The following SYTL2 variants were observed in gnomAD, a reference collection of about 807,000 sequenced individuals.
SYTL2 encodes the protein synaptotagmin-like protein 2.
In SYTL2, 165 loss-of-function variants were observed where a neutral mutation model predicts 198.7. The ratio of observed to expected loss-of-function variants is 0.83; its 90% CI spans 0.73 to 0.94. The LOEUF is 0.94. SYTL2 is among the 40% of genes least tolerant of loss of function. The probability of loss-of-function intolerance (pLI) is 0.00; values close to 1 mark genes in which losing one functional copy is unlikely to be tolerated. For synonymous variants in SYTL2, 966 were observed against 917.7 expected, an observed-to-expected ratio of 1.05 and a Z score of -0.95; for missense variants, 2,835 against 2,582.8, an observed-to-expected ratio of 1.10 and a Z score of -2.12.
At chr11:85,788,310 T>C (rs1378978418) in intron 1 of SYTL2, among the ~76,000 whole-genome samples, 1 of 152,202 alleles carries the variant, frequency 6.6e-6, no homozygotes, top group Admixed American at 6.5e-5. Context: ...GCACGCTTTA[T>C]CTTATTCAGT....
At chr11:85,745,262 T>A (rs2091071560) in intron 4 of SYTL2, among the ~76,000 whole-genome samples, 2 of 152,036 alleles carry the variant, frequency 1.3e-5, no homozygotes, top group South Asian at 4.2e-4. Context: ...ACTAGGCTGT[T>A]ACAATCTGAT....
chr11:85,840,954 T>C, the SYTL2 span, among the ~76,000 whole-genome samples: 1 of 152,162 alleles, frequency 6.6e-6, no homozygotes, highest in Non-Finnish European at 1.5e-5. Context: ...GACAAAGGTT[T>C]AATATCCAGC....
chr11:85,836,453 T>G, the SYTL2 span, among the ~76,000 whole-genome samples: 1 of 152,056 alleles, frequency 6.6e-6, no homozygotes, highest in Non-Finnish European at 1.5e-5. Flanking sequence ...CATACATGTA[T>G]ATACGTATGG....
At chr11:85,777,643 A>G (rs1434507325) in intron 1 of SYTL2, among the ~76,000 whole-genome samples, 1 of 136,310 alleles carries the variant, frequency 7.3e-6, no homozygotes, top group Non-Finnish European at 1.6e-5. Flanking sequence ...CCCCCAACCC[A>G]CACCCCCTGC....
chr11:85,725,003 G>C lies in SYTL2; in HGVS notation c.4355C>G (p.Ala1452Gly), dbSNP rs1266649802. ...CGTCTGGTCTGATGGAGACATTTGG[G>C]CAGCTAAATAAGATCCAACTTCATG... ...KTHEVGSYLA[A>G]QMSPSDQTLS... Residue 1452 changes from alanine (A) to glycine (G), a missense_variant, in exon 8 of 20, where the codon GCC (alanine) becomes GGC (glycine). This residue lies in a region of SYTL2 where 2,645 missense variants were observed against 2,381.7 expected (regional missense o/e 1.11). Transcript: ENST00000359152. The C allele has an allele frequency of 6.2e-7, 1 of 1,613,912 alleles. No homozygotes were observed.
chr11:85,832,192 A>G, the SYTL2 span, among the ~76,000 whole-genome samples: 1 of 152,216 alleles, frequency 6.6e-6, no homozygotes, highest in African/African-American at 2.4e-5. Context: ...TTGGGCATCT[A>G]TCATTGCCAG....
chr11:85,825,212 C>A, the SYTL2 span, among the ~76,000 whole-genome samples: 4 of 152,002 alleles, frequency 2.6e-5, no homozygotes, highest in East Asian at 7.8e-4. Flanking sequence ...AACGGTGAAA[C>A]CCCGTCTCTA....
chr11:85,795,825 A>G (rs2092796047), intron 1 of SYTL2, among the ~76,000 whole-genome samples: 1 of 151,860 alleles, frequency 6.6e-6, no homozygotes, highest in Admixed American at 6.6e-5. Context: ...GCAGGCCACA[A>G]CTCCCCTTCC....
chr11:85,786,888 T>C (rs746426583), intron 1 of SYTL2, among the ~76,000 whole-genome samples: 8 of 152,218 alleles, frequency 5.3e-5, no homozygotes, highest in African/African-American at 1.2e-4. Context: ...TTTATACCTG[T>C]TTGATACCCT....
At chr11:85,752,940 A>C (rs1192097216) in intron 2 of SYTL2, among the ~76,000 whole-genome samples, 2 of 143,728 alleles carry the variant, frequency 1.4e-5, no homozygotes, top group Non-Finnish European at 3.0e-5. Context: ...AAAAAAAAAA[A>C]AAAAAAAAAA....
chr11:85,849,474 G>T, the SYTL2 span, among the ~76,000 whole-genome samples: 1 of 152,224 alleles, frequency 6.6e-6, no homozygotes, highest in African/African-American at 2.4e-5. Flanking sequence ...TGTATAAGGT[G>T]TAAGGAAGGG....
chr11:85,846,955 A>T, the SYTL2 span, among the ~76,000 whole-genome samples: 1 of 152,090 alleles, frequency 6.6e-6, no homozygotes, highest in African/African-American at 2.4e-5. Flanking sequence ...GCTGGTCTCA[A>T]ACTCCTGACC....
chr11:85,779,404 A>G (rs2092518390), intron 1 of SYTL2, among the ~76,000 whole-genome samples: 1 of 152,212 alleles, frequency 6.6e-6, no homozygotes, highest in Non-Finnish European at 1.5e-5. Flanking sequence ...TCCTCAGTCC[A>G]ACACTGTAAG....
intron 7 of SYTL2, among the ~76,000 whole-genome samples, chr11:85,731,218 C>T (rs935593188): frequency 3.3e-5 from 5 of 152,158 alleles, no homozygotes; most frequent in African/African-American, 9.7e-5. Flanking sequence ...ACTCTCATCA[C>T]AGAATTAGAA....
intron 12 of SYTL2, among the ~76,000 whole-genome samples, chr11:85,712,953 A>T (rs1410164725): frequency 6.6e-6 from 1 of 152,148 alleles, no homozygotes; most frequent in East Asian, 1.9e-4. Context: ...CCTGGGCCTC[A>T]AGGGATCTGC....
chr11:85,727,337 A>G lies in SYTL2; in HGVS notation c.2021T>C (p.Leu674Pro). The change falls in exon 8 of 20, where the codon CTC (leucine) becomes CCC (proline). Residue 674 changes from leucine (L) to proline (P), a missense_variant. This residue lies in a region of SYTL2 where 2,645 missense variants were observed against 2,381.7 expected (regional missense o/e 1.11). Transcript: ENST00000359152. Reference sequence around the variant, plus strand: ...TTGGTTTTCTGCATCAGATTCCTTGAGAACACTGTAGGAATAGTTACTATT... The same window carrying G: ...TTGGTTTTCTGCATCAGATTCCTTGGGAACACTGTAGGAATAGTTACTATT... ...PSNSNYSYSV[L>P]KESDAENQVP... 6.5e-7 allele frequency: 1 copy of G among 1,536,078 alleles called. No homozygotes were observed. The highest frequency in any genetic ancestry group is 8.7e-7 in the Non-Finnish European group (1 of 1,146,882).
chr11:85,841,363 T>C, the SYTL2 span, among the ~76,000 whole-genome samples: 96 of 152,318 alleles, frequency 6.3e-4, no homozygotes, highest in Non-Finnish European at 9.7e-4. Context: ...CAAAGACACA[T>C]GCACGCATAT....
At chr11:85,748,163 T>C in intron 3 of SYTL2, 109 bp downstream of exon 3, 2 of 1,258,852 alleles carry the variant, frequency 1.6e-6, no homozygotes, top group East Asian at 2.3e-5. Flanking sequence ...TTATGAAAAG[T>C]GTACATCCAA....
chr11:85,798,007 C>G (rs571967672), intron 1 of SYTL2, among the ~76,000 whole-genome samples: 36 of 141,286 alleles, frequency 2.5e-4, no homozygotes, highest in Non-Finnish European at 4.7e-4. Context: ...GTGCACACCA[C>G]TATGCCAGCT....
Sources: gnomAD v4.1 joint callset for allele counts (sites outside exome capture counted in the v4.1 genomes callset) on GRCh38, gnomAD v4.1.1 for gene constraint, gnomAD v4.1.1 regional missense constraint, MANE v1.5 for transcripts, NCBI Gene and HGNC (gene_info 2026-07-23, HGNC 2026-07-21) for gene names.